MGAT5: variants seen among roughly 807,000 people sequenced by gnomAD.
MGAT5 encodes alpha-1,6-mannosylglycoprotein 6-beta-N-acetylglucosaminyltransferase A.
A neutral mutation model predicts 94.3 loss-of-function variants in MGAT5; 30 were observed. The observed-to-expected ratio is 0.32, with a 90% CI of 0.24 to 0.43. The LOEUF is 0.43. Among genes scored for constraint, MGAT5 ranks in the 20% least tolerant of loss-of-function variants. The pLI is 1.00. For missense variants in MGAT5, 691 were observed against 905.5 expected (o/e 0.76, Z 3.04); for synonymous variants, 310 against 322.9 (o/e 0.96, Z 0.43).
At chr2:134,433,786 C>T (rs1254916205) in intron 14 of MGAT5, among the ~76,000 whole-genome samples, 3 of 152,046 alleles carry the variant, frequency 2.0e-5, no homozygotes, top group Non-Finnish European at 2.9e-5. Context: ...AATAGCTGAC[C>T]GAACGGGACC....
intron 1 of MGAT5, among the ~76,000 whole-genome samples, chr2:134,265,520 T>C (rs774712710): frequency 3.9e-5 from 6 of 152,222 alleles, no homozygotes; most frequent in Admixed American, 2.0e-4. Context: ...TATCAAAGAA[T>C]GCTGGCATGA....
At chr2:134,121,319 G>T (rs1435046224) in intron 1 of MGAT5, among the ~76,000 whole-genome samples, 1 of 152,230 alleles carries the variant, frequency 6.6e-6, no homozygotes. Context: ...CTTGGTGCCC[G>T]GACCTGGCGC....
intron 11 of MGAT5, among the ~76,000 whole-genome samples, chr2:134,409,547 G>A (rs1414359222): frequency 6.6e-6 from 1 of 152,150 alleles, no homozygotes; most frequent in East Asian, 1.9e-4. Context: ...ATGAACCGGG[G>A]GTGATTCATT....
At chr2:134,132,806 G>T (rs538754397) in intron 1 of MGAT5, among the ~76,000 whole-genome samples, 1 of 152,354 alleles carries the variant, frequency 6.6e-6, no homozygotes, top group South Asian at 2.1e-4. Context: ...TTGTAGAAAT[G>T]ACAGTGAACA....
At chr2:134,352,936 C>T (rs566161489) in intron 9 of MGAT5, among the ~76,000 whole-genome samples, 2 of 152,130 alleles carry the variant, frequency 1.3e-5, no homozygotes, top group African/African-American at 2.4e-5. Flanking sequence ...TTATGCTAAG[C>T]GAAATAAGCT....
chr2:134,230,743 A>C (rs1242365806), intron 1 of MGAT5, among the ~76,000 whole-genome samples: 3 of 152,192 alleles, frequency 2.0e-5, no homozygotes, highest in Non-Finnish European at 4.4e-5. Context: ...AAAACATTTT[A>C]GCAGTTCCTC....
chr2:134,420,506 G>A (rs965903671), intron 12 of MGAT5, among the ~76,000 whole-genome samples: 11 of 152,116 alleles, frequency 7.2e-5, no homozygotes, highest in South Asian at 2.1e-4. Context: ...GGGACTTGTC[G>A]GGCTTCCTGC....
At chr2:134,373,109 G>A (rs998490769) in intron 10 of MGAT5, among the ~76,000 whole-genome samples, 4 of 152,176 alleles carry the variant, frequency 2.6e-5, no homozygotes, top group African/African-American at 7.2e-5. Flanking sequence ...TTTGGCAGCC[G>A]ATATGGGAGC....
At chr2:134,149,108 A>C (rs181846238) in intron 1 of MGAT5, among the ~76,000 whole-genome samples, 50 of 152,140 alleles carry the variant, frequency 3.3e-4, no homozygotes, top group African/African-American at 1.1e-3. Context: ...CTCCAGGCTT[A>C]ATTTAGGAGT....
At chr2:134,124,018 G>C (rs1437587046) in intron 1 of MGAT5, among the ~76,000 whole-genome samples, 1 of 152,182 alleles carries the variant, frequency 6.6e-6, no homozygotes, top group Non-Finnish European at 1.5e-5. Context: ...TCCCTATACT[G>C]TTTTACATCC....
chr2:134,319,463 G>GA (rs915989208), intron 4 of MGAT5, among the ~76,000 whole-genome samples: 122 of 150,354 alleles, frequency 8.1e-4, no homozygotes, highest in African/African-American at 2.7e-3. Context: ...AGAATCTTGA[G>GA]AAAAAAAAAT....
At chr2:134,382,460 C>T (rs1170121753) in intron 10 of MGAT5, among the ~76,000 whole-genome samples, 2 of 152,040 alleles carry the variant, frequency 1.3e-5, no homozygotes, top group Non-Finnish European at 2.9e-5. Context: ...ATATCGTGTG[C>T]CTGAAAATCA....
intron 15 of MGAT5, among the ~76,000 whole-genome samples, chr2:134,443,856 C>T (rs947881106): frequency 8.5e-5 from 13 of 152,200 alleles, no homozygotes; most frequent in Admixed American, 7.2e-4. Context: ...CATAAGCCCA[C>T]TTCTGGAAGA....
At chr2:134,291,505 G>T (rs973180642) in intron 2 of MGAT5, among the ~76,000 whole-genome samples, 3 of 152,204 alleles carry the variant, frequency 2.0e-5, no homozygotes, top group Middle Eastern at 3.2e-3. Context: ...GTTTAGGATG[G>T]GGAAGGCCTC....
intron 6 of MGAT5, among the ~76,000 whole-genome samples, chr2:134,340,932 G>A (rs181265324): frequency 2.6e-5 from 4 of 152,246 alleles, no homozygotes; most frequent in East Asian, 1.9e-4. Flanking sequence ...AGTTGAAGAA[G>A]TATGAATATT....
intron 4 of MGAT5, among the ~76,000 whole-genome samples, chr2:134,325,992 G>C (rs1239514071): frequency 6.7e-6 from 1 of 149,786 alleles, no homozygotes; most frequent in Non-Finnish European, 1.5e-5. Context: ...CATGGATAAT[G>C]GTATTATATA....
intron 10 of MGAT5, among the ~76,000 whole-genome samples, chr2:134,389,179 G>A (rs919185245): frequency 6.6e-5 from 10 of 152,190 alleles, no homozygotes; most frequent in Non-Finnish European, 1.5e-4. Flanking sequence ...CAGCCATTAA[G>A]AATAACTGCC....
At chr2:134,203,504 C>G (rs1258402112) in intron 1 of MGAT5, among the ~76,000 whole-genome samples, 14 of 151,716 alleles carry the variant, frequency 9.2e-5, no homozygotes, top group Admixed American at 9.2e-4. Flanking sequence ...TTTTTTTTCC[C>G]CAAAAGCTCA....
chr2:134,159,060 G>A (rs910917443), intron 1 of MGAT5, among the ~76,000 whole-genome samples: 4 of 152,200 alleles, frequency 2.6e-5, no homozygotes, highest in Admixed American at 6.5e-5. Flanking sequence ...TGTATATTAC[G>A]TTACATAAAA....
Sources: allele counts gnomAD v4.1 joint callset (sites outside exome capture counted in the v4.1 genomes callset), GRCh38; gene constraint gnomAD v4.1.1; transcripts MANE v1.5; gene names NCBI Gene and HGNC (gene_info 2026-07-23, HGNC 2026-07-21).